MORN1: variants seen among roughly 807,000 people sequenced by gnomAD.
MORN1 encodes MORN repeat containing 1, also known as MORN repeat-containing protein 1.
MORN1 carries 67 observed loss-of-function variants against 61.9 expected under a neutral mutation model. The ratio of observed to expected loss-of-function variants is 1.08; its 90% CI spans 0.89 to 1.33. The LOEUF is 1.33. MORN1 is among the 40% of genes most tolerant of loss of function. The pLI, the probability that MORN1 is intolerant of heterozygous loss-of-function variation, is 0.00. For synonymous variants in MORN1, 301 were observed against 292.0 expected, an observed-to-expected ratio of 1.03 and a Z score of -0.31; for missense variants, 752 against 691.2, an observed-to-expected ratio of 1.09 and a Z score of -0.99.
At position 2,385,892 on chromosome 1, in the gene MORN1, C is replaced by T. The variant is rs772641540; in HGVS notation, c.364G>A (p.Gly122Arg). 119 of 1,613,774 alleles carry T rather than the reference C, an allele frequency of 7.4e-5. 1 individual carries two copies. The highest frequency in any genetic ancestry group is 1.4e-4 in the South Asian group (13 of 91,084). ...EVSHGMREGH[G>R]FLVDRDGQVY... ...TGTCCATCCCGGTCCACCAGAAACC[C>T]GTGTCCTGGAGAAGGGACCGAGAGA... The change falls in exon 5 of 14, where the codon GGG becomes AGG. Residue 122 changes from glycine to arginine, a missense_variant. Gly to Arg is a moderately radical substitution (Grantham distance 125). Transcript: ENST00000378531.
chr1:2,387,274 G>A, intron 4 of MORN1, 145 bp downstream of exon 4: 2 of 691,040 alleles, frequency 2.9e-6, no homozygotes, highest in Non-Finnish European at 5.2e-6. Flanking sequence ...GTGGTGCGGA[G>A]AAGAGGGCAT....
intron 6 of MORN1, among the ~76,000 whole-genome samples, chr1:2,384,618 C>T (rs1428784087): frequency 6.6e-6 from 1 of 152,232 alleles, no homozygotes; most frequent in Non-Finnish European, 1.5e-5. Context: ...GGAGAAGGCC[C>T]CGCCTCAGCT....
Position 2,357,944 on chromosome 1 carries a change from A to C in MORN1, c.870-346T>G, listed in dbSNP as rs1641810347. Among the ~76,000 whole-genome samples the C allele has an allele frequency of 2.6e-5, 4 of 152,204 alleles. No homozygotes were observed. The highest frequency in any genetic ancestry group is 5.9e-5 in the Non-Finnish European group (4 of 68,038). On this transcript the variant is annotated intron_variant, in intron 9 of 13. Transcript: ENST00000378531. This position sits in a 1 kb window ranked among gnomAD's most constrained non-coding sequence, Gnocchi z 6.3. ...GTCAGACAGTCCTTAACTCAGGAGA[A>C]GGGCCGGTGGGAAAAGGGAGTGTGA...
rs531830875 is a variant in MORN1 at position 2,380,995 on chromosome 1, G to A, written c.537+3983C>T. Among the ~76,000 whole-genome samples the A allele has an allele frequency of 3.3e-4, 50 of 152,362 alleles. No individual in the cohort carries two copies. In the South Asian group the frequency reaches 9.9e-3, roughly 30 times the overall value. On this transcript the variant is annotated intron_variant, in intron 6 of 13. Transcript: ENST00000378531. ...GCTGCTGCCTCTCCGGGTCGATGCC[G>A]TTTTCTCTCCAGGTTGAAGGTGGAG...
intron 10 of MORN1, among the ~76,000 whole-genome samples, chr1:2,356,495 C>A (rs1178493372): frequency 6.6e-6 from 1 of 152,142 alleles, no homozygotes; most frequent in African/African-American, 2.4e-5. Flanking sequence ...GGCTCAGATC[C>A]CAGCTTTGGG....
intron 10 of MORN1, among the ~76,000 whole-genome samples, chr1:2,342,004 C>A (rs1161440253): frequency 1.3e-5 from 2 of 152,258 alleles, no homozygotes; most frequent in African/African-American, 4.8e-5. Context: ...CTTCCCGAGC[C>A]AAGGCCATGC....
intron 10 of MORN1, among the ~76,000 whole-genome samples, chr1:2,348,789 ACG>A (rs1457077008): frequency 4.1e-5 from 6 of 146,790 alleles, no homozygotes; most frequent in Admixed American, 3.4e-4. Context: ...ACACACACGC[ACG>A]CACACGCACT....
chr1:2,362,413 A>T (rs1440132593), intron 8 of MORN1, among the ~76,000 whole-genome samples: 1 of 152,056 alleles, frequency 6.6e-6, no homozygotes, highest in Non-Finnish European at 1.5e-5. Flanking sequence ...CACAGTTCAA[A>T]CCTGTTTTTG....
intron 12 of MORN1, 151 bp downstream of exon 12, chr1:2,336,318 G>A (rs931030567): frequency 8.5e-6 from 6 of 704,392 alleles, no homozygotes; most frequent in African/African-American, 3.6e-5. Flanking sequence ...GGCTGGCGGG[G>A]GGGCTCTCTG....
intron 10 of MORN1, among the ~76,000 whole-genome samples, chr1:2,339,222 G>T (rs1035295188): frequency 2.6e-5 from 4 of 152,184 alleles, no homozygotes; most frequent in Admixed American, 2.6e-4. Context: ...AGATCCCAGC[G>T]CATCTGGACC....
chr1:2,367,647 A>C (rs889435150), intron 8 of MORN1, among the ~76,000 whole-genome samples: 1 of 150,876 alleles, frequency 6.6e-6, no homozygotes, highest in African/African-American at 2.4e-5. Context: ...AAAATATGTC[A>C]TTTTTTTTTG....
Position 2,357,525 on chromosome 1 carries a change from C to G in MORN1, c.943G>C (p.Gly315Arg). The change falls in exon 10 of 14, where the codon GGG becomes CGG. Residue 315 changes from glycine to arginine, a missense_variant. Gly to Arg is a moderately radical substitution (Grantham distance 125). Coordinates refer to ENST00000378531, the MANE Select transcript of MORN1 (RefSeq NM_024848.3). This position sits in a 1 kb window ranked among gnomAD's most constrained non-coding sequence, Gnocchi z 6.3. ...GVPGPRAAKG[G>R]AEADVPLPRG... ...GGCAGGGGCACGTCGGCTTCTGCCC[C>G]TCCCTTGGCAGCTCTGGGCCCCGGC... The G allele has an allele frequency of 1.2e-6, 2 of 1,612,788 alleles. No individual in the cohort carries two copies. Among genetic ancestry groups the G allele is most frequent in the Admixed American group, 1.7e-5 (1 of 59,968 alleles).
intron 1 of MORN1, 134 bp downstream of exon 1, chr1:2,391,324 G>T (rs910308025): frequency 1.9e-6 from 2 of 1,041,806 alleles, no homozygotes; most frequent in African/African-American, 3.3e-5. Flanking sequence ...ACGCGGGGGC[G>T]GCCCTGGCTC....
rs1017010113 is a variant in MORN1, at chr1:2,358,561, GAACT to G, written c.869+27_869+30del. The G allele has an allele frequency of 5.0e-6, 8 of 1,613,496 alleles. No homozygotes were observed. In the African/African-American group the frequency reaches 9.3e-5, roughly 19 times the overall value. On this transcript the variant is annotated intron_variant, in intron 9 of 13. Transcript: ENST00000378531. ...CCTAAATGAACTCAAAACAAACTCAGAACTAACTCATTGGTGTCACACGTACTCA... is the reference window on the plus strand; with the variant it reads ...CCTAAATGAACTCAAAACAAACTCAGAACTCATTGGTGTCACACGTACTCA...
At chr1:2,328,930 C>T (rs1641092071) in intron 12 of MORN1, among the ~76,000 whole-genome samples, 1 of 152,228 alleles carries the variant, frequency 6.6e-6, no homozygotes. Flanking sequence ...CCCTCTGCAC[C>T]CGCAGGCATC....
At chr1:2,333,567 C>T (rs1424001948) in intron 12 of MORN1, among the ~76,000 whole-genome samples, 1 of 152,218 alleles carries the variant, frequency 6.6e-6, no homozygotes, top group African/African-American at 2.4e-5. Context: ...TCAGGGGTCT[C>T]CTGGGACTCC....
At chr1:2,352,025 A>T (rs2840527) in intron 10 of MORN1, 3 of 538,452 alleles carry the variant, frequency 5.6e-6, no homozygotes, top group East Asian at 4.6e-5. Flanking sequence ...TTAGAGGTCC[A>T]CCTCCCCTAG....
rs543062824 is a variant in MORN1 at position 2,334,931 on chromosome 1, T to C, written c.1250+1538A>G. The stretch of plus-strand genomic sequence containing the variant: ...GTGCCGCCCTGGGCGTTCGGGTCTG[T>C]GTGAGTCTGTGGGAGTGACAGAATG... On this transcript the variant is annotated intron_variant, in intron 12 of 13. Coordinates refer to ENST00000378531, the MANE Select transcript of MORN1 (RefSeq NM_024848.3). The surrounding 1 kb of genome is among the most constrained non-coding windows in gnomAD (Gnocchi z 5.4). Among the ~76,000 whole-genome samples, 19 of 152,344 alleles carry C rather than the reference T, an allele frequency of 1.2e-4. No individual in the cohort carries two copies. The highest frequency in any genetic ancestry group is 4.1e-4 in the African/African-American group (17 of 41,592).
chr1:2,346,037 A>C (rs1044431970), intron 10 of MORN1, among the ~76,000 whole-genome samples: 2 of 151,574 alleles, frequency 1.3e-5, no homozygotes, highest in African/African-American at 4.8e-5. Flanking sequence ...CCTCAGACAA[A>C]GCCACCAGGA....
Sources: allele counts gnomAD v4.1 joint callset (sites outside exome capture counted in the v4.1 genomes callset), GRCh38; gene constraint gnomAD v4.1.1; non-coding constraint Gnocchi (gnomAD v3.1); transcripts MANE v1.5; gene names NCBI Gene and HGNC (gene_info 2026-07-23, HGNC 2026-07-21).